Variants in NTRK3 observed in about 807,000 individuals in gnomAD.
NTRK3 encodes the protein neurotrophic receptor tyrosine kinase 3.
In NTRK3, 24 loss-of-function variants were observed where a neutral mutation model predicts 91.7. That is an observed-to-expected ratio of 0.26 (90% CI 0.19 to 0.37). The LOEUF (loss-of-function observed/expected upper bound fraction) is 0.37, where lower values mean the gene tolerates loss of function less well. Among genes scored for constraint, NTRK3 ranks in the 10% least tolerant of loss-of-function variants. The probability of loss-of-function intolerance (pLI) is 1.00; values close to 1 mark genes in which losing one functional copy is unlikely to be tolerated. For synonymous variants in NTRK3, 483 were observed against 404.0 expected (o/e 1.20, Z -2.34); for missense variants, 880 against 1,068.9 (o/e 0.82, Z 2.46).
At chr15:88,120,672 GT>G (rs1403683790) in intron 13 of NTRK3, among the ~76,000 whole-genome samples, 1 of 152,202 alleles carries the variant, frequency 6.6e-6, no homozygotes, top group East Asian at 1.9e-4. Flanking sequence ...GTTGGAAAAA[GT>G]GGATTAATAA....
chr15:87,945,327 C>T (rs563870604), intron 14 of NTRK3, among the ~76,000 whole-genome samples: 59 of 152,340 alleles, frequency 3.9e-4, no homozygotes, highest in Admixed American at 2.2e-3. Flanking sequence ...ACAACCGGTT[C>T]ATCTGACACA....
At chr15:88,107,441 T>C (rs1381581362) in intron 13 of NTRK3, among the ~76,000 whole-genome samples, 6 of 152,174 alleles carry the variant, frequency 3.9e-5, no homozygotes, top group Admixed American at 3.9e-4. Flanking sequence ...AAACCACGTC[T>C]CAAAAAGAAA....
chr15:87,935,199 T>C (rs1025345825), intron 15 of NTRK3, among the ~76,000 whole-genome samples: 3 of 152,088 alleles, frequency 2.0e-5, no homozygotes, highest in East Asian at 1.9e-4. Context: ...TAAAAGGACA[T>C]GGAAGTATAG....
chr15:88,090,784 C>T (rs1016919318), intron 13 of NTRK3, among the ~76,000 whole-genome samples: 3 of 152,122 alleles, frequency 2.0e-5, no homozygotes, highest in South Asian at 2.1e-4. Flanking sequence ...GCCCAGGGGC[C>T]GAACCCTGGC....
chr15:88,181,486 C>T lies in NTRK3; in HGVS notation c.395+1932G>A, dbSNP rs142562819. 1.8e-3 allele frequency among the ~76,000 whole-genome samples: 278 copies of T among 152,246 alleles called. 1 individual carries two copies. The highest frequency in any genetic ancestry group is 6.4e-3 in the African/African-American group (265 of 41,540). ...CTCCTGAGCCTGGGTCCTGAAGCCT[C>T]TCCATCTCCCTAAGAGCTGCAGGGA... On this transcript the variant is annotated intron_variant, in intron 5 of 18. Coordinates refer to ENST00000394480, the Ensembl canonical transcript of NTRK3.
intron 14 of NTRK3, among the ~76,000 whole-genome samples, chr15:87,948,712 A>G (rs187911003): frequency 6.6e-6 from 1 of 152,192 alleles, no homozygotes; most frequent in African/African-American, 2.4e-5. Context: ...AAAATAAAAA[A>G]TAAAAATGAT....
chr15:88,117,790 T>C (rs995677756), intron 13 of NTRK3, among the ~76,000 whole-genome samples: 5 of 152,198 alleles, frequency 3.3e-5, no homozygotes, highest in Admixed American at 1.3e-4. Context: ...GGTTGGTCTC[T>C]CTCTAAGTAT....
intron 13 of NTRK3, among the ~76,000 whole-genome samples, chr15:88,066,327 G>A (rs1281950735): frequency 6.6e-6 from 1 of 152,182 alleles, no homozygotes; most frequent in Admixed American, 6.5e-5. Context: ...GGAAAGGAGA[G>A]TAAGATACTG....
At chr15:88,101,460 G>A (rs1004553253) in intron 13 of NTRK3, among the ~76,000 whole-genome samples, 15 of 152,298 alleles carry the variant, frequency 9.8e-5, no homozygotes, top group Non-Finnish European at 1.9e-4. Context: ...TCAGTGTGGC[G>A]ATTCCTCAGG....
chr15:88,136,414 A>G (rs1372176619), intron 8 of NTRK3, 53 bp downstream of exon 8: 5 of 1,612,304 alleles, frequency 3.1e-6, no homozygotes, highest in Admixed American at 3.3e-5. Flanking sequence ...CTTCAAGACT[A>G]CAGTGTGATC....
chr15:87,953,772 T>C (rs890705701), intron 14 of NTRK3, among the ~76,000 whole-genome samples: 2 of 152,098 alleles, frequency 1.3e-5, no homozygotes, highest in African/African-American at 4.8e-5. Flanking sequence ...CTGGCGGACA[T>C]TTCCTCTCTG....
chr15:87,980,359 A>G (rs927120604), intron 14 of NTRK3, among the ~76,000 whole-genome samples: 1 of 151,228 alleles, frequency 6.6e-6, no homozygotes, highest in Non-Finnish European at 1.5e-5. Flanking sequence ...GCATGTGTAC[A>G]TGTGTTTCCA....
intron 17 of NTRK3, among the ~76,000 whole-genome samples, chr15:87,893,553 T>A (rs1417850449): frequency 6.6e-6 from 1 of 152,184 alleles, no homozygotes; most frequent in Non-Finnish European, 1.5e-5. Context: ...TCTTGCTCAT[T>A]TCCATTGAGT....
intron 17 of NTRK3, among the ~76,000 whole-genome samples, chr15:87,903,732 A>G (rs571069878): frequency 6.6e-6 from 1 of 152,268 alleles, no homozygotes; most frequent in African/African-American, 2.4e-5. Context: ...TACACAGGGG[A>G]CTGTATTGGT....
intron 17 of NTRK3, among the ~76,000 whole-genome samples, chr15:87,901,477 T>G (rs2066449497): frequency 6.6e-6 from 1 of 152,184 alleles, no homozygotes; most frequent in Non-Finnish European, 1.5e-5. Flanking sequence ...TCCCCAAGGG[T>G]AGAGCCCTCA....
chr15:88,135,979 T>C (rs893994213), exon 9 of NTRK3: 2 of 1,614,140 alleles, frequency 1.2e-6, no homozygotes, highest in African/African-American at 2.7e-5. Context: ...GCCATTGTCC[T>C]CACTCGTCAC....
At chr15:87,924,972 G>A (rs1332538383) in intron 17 of NTRK3, among the ~76,000 whole-genome samples, 1 of 152,088 alleles carries the variant, frequency 6.6e-6, no homozygotes, top group Non-Finnish European at 1.5e-5. Flanking sequence ...GAAAACATCT[G>A]TATTCTGAAA....
intron 5 of NTRK3, among the ~76,000 whole-genome samples, chr15:88,150,238 G>A (rs923850274): frequency 2.0e-5 from 3 of 152,228 alleles, no homozygotes; most frequent in Admixed American, 6.5e-5. Context: ...CTCAGAGGGA[G>A]GAGCAGGCAG....
chr15:88,192,160 G>A (rs1417909405), intron 3 of NTRK3, among the ~76,000 whole-genome samples: 2 of 152,324 alleles, frequency 1.3e-5, no homozygotes, highest in East Asian at 3.9e-4. Context: ...AATGAAGAAC[G>A]TTTGTGCACA....
Sources: allele counts gnomAD v4.1 joint callset (sites outside exome capture counted in the v4.1 genomes callset), GRCh38; gene constraint gnomAD v4.1.1; transcripts MANE v1.5; gene names NCBI Gene and HGNC (gene_info 2026-07-23, HGNC 2026-07-21).